Variants in GRIN2B observed in about 807,000 individuals in gnomAD.
The protein encoded by GRIN2B is glutamate ionotropic receptor NMDA type subunit 2B.
Under a neutral mutation model 114.5 loss-of-function variants are expected in GRIN2B, and 5 were observed. That is an observed-to-expected ratio of 0.04 (90% confidence interval 0.02 to 0.09). GRIN2B has a LOEUF of 0.09. Among genes scored for constraint, GRIN2B ranks in the 10% least tolerant of loss-of-function variants. The pLI is 1.00. For synonymous variants in GRIN2B, 787 were observed against 745.1 expected (o/e 1.06, Z -0.92); for missense variants, 1,108 against 1,943.5 (o/e 0.57, Z 8.08).
chr12:13,732,593 T>C (rs930345835), intron 4 of GRIN2B, among the ~76,000 whole-genome samples: 1 of 152,226 alleles, frequency 6.6e-6, no homozygotes, highest in African/African-American at 2.4e-5. Context: ...GTGAGACATG[T>C]AATCATATTA....
chr12:13,930,431 C>A (rs1260164410), intron 2 of GRIN2B, among the ~76,000 whole-genome samples: 1 of 152,090 alleles, frequency 6.6e-6, no homozygotes, highest in Non-Finnish European at 1.5e-5. Context: ...GAGGGGAATG[C>A]ATCTTAGAAG....
rs554706483 is a variant in GRIN2B at position 13,649,066 on chromosome 12, C to A, written c.1125+26679G>T. ...CCCTGCCACTAGTGTAATTGTGAAA[C>A]CTTGAGCAATTCCCTGCTACCTCTG... On this transcript the variant is annotated intron_variant, in intron 5 of 13. Transcript: ENST00000609686. Among the ~76,000 whole-genome samples the A allele has an allele frequency of 2.0e-4, 30 of 152,144 alleles. No individual in the cohort carries two copies. The South Asian group carries it at 5.0e-3, about 25-fold the overall frequency.
intron 4 of GRIN2B, among the ~76,000 whole-genome samples, chr12:13,748,698 C>T (rs1033269488): frequency 6.6e-6 from 1 of 152,092 alleles, no homozygotes; most frequent in Admixed American, 6.5e-5. Flanking sequence ...ATGTCTTGGG[C>T]TATAGTATAG....
chr12:13,864,374 AG>A (rs35379166), intron 3 of GRIN2B, among the ~76,000 whole-genome samples: 27,080 of 152,192 alleles, frequency 0.18, 3,138 homozygotes, highest in Non-Finnish European at 0.25. Context: ...TGTCTGTGCT[AG>A]GTTTTAAGGT....
At chr12:13,730,216 T>G (rs1044532350) in intron 4 of GRIN2B, among the ~76,000 whole-genome samples, 1 of 152,192 alleles carries the variant, frequency 6.6e-6, no homozygotes, top group African/African-American at 2.4e-5. Flanking sequence ...AAAACTATAA[T>G]GGAAGAAATC....
intron 5 of GRIN2B, among the ~76,000 whole-genome samples, chr12:13,646,804 G>A (rs4764024): frequency 0.99 from 151,248 of 152,182 alleles, 75,165 homozygotes; most frequent in Middle Eastern, 1. Flanking sequence ...CTGGGATTAC[G>A]GGTGTGAGCC....
chr12:13,968,168 A>G (rs1042949718), intron 2 of GRIN2B, among the ~76,000 whole-genome samples: 3 of 152,172 alleles, frequency 2.0e-5, no homozygotes, highest in African/African-American at 7.2e-5. Context: ...GTACCTTGCC[A>G]CTCACGGCAT....
At chr12:13,826,555 G>A (rs1865039341) in intron 3 of GRIN2B, among the ~76,000 whole-genome samples, 1 of 152,002 alleles carries the variant, frequency 6.6e-6, no homozygotes, top group African/African-American at 2.4e-5. Context: ...CTCATTCTTA[G>A]GGCTACTTAT....
At chr12:13,937,410 G>C (rs1867148768) in intron 2 of GRIN2B, among the ~76,000 whole-genome samples, 2 of 150,826 alleles carry the variant, frequency 1.3e-5, no homozygotes, top group Admixed American at 6.6e-5. Flanking sequence ...TAGCCAGTAA[G>C]AAAGAAAAAT....
chr12:13,641,073 T>TTATTAA (rs1949710439), intron 5 of GRIN2B, among the ~76,000 whole-genome samples: 1 of 99,508 alleles, frequency 1.0e-5, no homozygotes, highest in African/African-American at 5.7e-5. Context: ...TGTATCATGC[T>TTATTAA]TATTATTATT....
At chr12:13,865,682 G>T in intron 3 of GRIN2B, 116 bp downstream of exon 3, 1 of 881,090 alleles carries the variant, frequency 1.1e-6, no homozygotes, top group South Asian at 1.3e-5. Flanking sequence ...TATCCACGCT[G>T]TCAATGCAAT....
At chr12:13,585,520 C>A (rs1948909226) in intron 10 of GRIN2B, among the ~76,000 whole-genome samples, 1 of 152,224 alleles carries the variant, frequency 6.6e-6, no homozygotes, top group African/African-American at 2.4e-5. Context: ...GGGATGCAGC[C>A]TGGCGATCCC....
At chr12:13,743,993 T>G (rs1208755250) in intron 4 of GRIN2B, among the ~76,000 whole-genome samples, 1 of 152,188 alleles carries the variant, frequency 6.6e-6, no homozygotes, top group Non-Finnish European at 1.5e-5. Context: ...TCCTGTTGCT[T>G]GTCAGGGGAG....
chr12:13,680,675 C>T (rs1331992128), intron 4 of GRIN2B, among the ~76,000 whole-genome samples: 2 of 152,036 alleles, frequency 1.3e-5, no homozygotes, highest in East Asian at 3.9e-4. Context: ...AACAACTTTG[C>T]CAAGGTGACC....
chr12:13,838,605 C>G (rs774526384), intron 3 of GRIN2B, among the ~76,000 whole-genome samples: 9 of 152,160 alleles, frequency 5.9e-5, no homozygotes, highest in Admixed American at 2.6e-4. Context: ...CACCACCCCC[C>G]CATCTTATCT....
intron 4 of GRIN2B, among the ~76,000 whole-genome samples, chr12:13,682,655 T>A (rs1206383562): frequency 6.6e-6 from 1 of 152,218 alleles, no homozygotes; most frequent in Admixed American, 6.5e-5. Flanking sequence ...GTTAAGTTAA[T>A]GAGATATTAA....
chr12:13,607,313 A>AAT (rs1361575304), intron 10 of GRIN2B, among the ~76,000 whole-genome samples: 29 of 51,286 alleles, frequency 5.7e-4, no homozygotes, highest in Admixed American at 7.4e-4. Context: ...TATTATATAT[A>AAT]ATATAAAATA....
chr12:13,817,259 G>C (rs1024517479), intron 3 of GRIN2B, among the ~76,000 whole-genome samples: 2 of 152,196 alleles, frequency 1.3e-5, no homozygotes, highest in African/African-American at 4.8e-5. Flanking sequence ...GTAAATGACA[G>C]TCAGACAGCG....
chr12:13,547,981 A>ATATATATATTT lies in GRIN2B; in HGVS notation c.*14801_*14802insAAATATATATA. The ATATATATATTT allele has an allele frequency of 5.8e-5, 4 of 68,586 alleles. No homozygotes were observed. Among genetic ancestry groups the ATATATATATTT allele is most frequent in the Admixed American group, 1.9e-4 (1 of 5,188 alleles). 4.2% of individuals were successfully genotyped at this position (68,586 alleles called of 1,614,324 possible). Reference sequence around the variant, plus strand: ...TGTGTATATATATATATATATATATATTTTTTTTTTTTTTCTGAAAGCTAC... The same window carrying ATATATATATTT: ...TGTGTATATATATATATATATATATATATATATATTTTTTTTTTTTTTTTTCTGAAAGCTAC... On this transcript the variant is annotated 3_prime_UTR_variant, in exon 14 of 14. Coordinates refer to ENST00000609686, the MANE Select transcript of GRIN2B (RefSeq NM_000834.5).
Sources: allele counts gnomAD v4.1 joint callset (sites outside exome capture counted in the v4.1 genomes callset), GRCh38; gene constraint gnomAD v4.1.1; transcripts MANE v1.5; gene names NCBI Gene and HGNC (gene_info 2026-07-23, HGNC 2026-07-21).